Variants in RBFOX1 observed in about 807,000 individuals in gnomAD.
RBFOX1 encodes RNA binding protein fox-1 homolog 1.
Under a neutral mutation model 57.7 loss-of-function variants are expected in RBFOX1, and 8 were observed. The observed-to-expected ratio is 0.14, with a 90% CI of 0.08 to 0.25. The LOEUF (loss-of-function observed/expected upper bound fraction) is 0.25. Ranked by LOEUF, RBFOX1 falls within the 10% of genes least tolerant of loss-of-function variation. The probability of loss-of-function intolerance (pLI) is 1.00; values close to 1 mark genes in which losing one functional copy is unlikely to be tolerated. For missense variants in RBFOX1, 611 were observed against 548.5 expected (o/e 1.11, Z -1.14); for synonymous variants, 326 against 222.4 (o/e 1.47, Z -4.15).
chr16:7,671,606 A>T (rs2071457435), intron 13 of RBFOX1: 1 of 1,609,000 alleles, frequency 6.2e-7, no homozygotes, highest in African/African-American at 1.3e-5. Context: ...GCAGGTATGA[A>T]ATCCCGACTG....
chr16:6,557,038 T>TAC (rs1567672047), intron 2 of RBFOX1, among the ~76,000 whole-genome samples: 16 of 129,564 alleles, frequency 1.2e-4, no homozygotes, highest in African/African-American at 5.7e-4. Flanking sequence ...TATATACACA[T>TAC]ATATATACAT....
At chr16:6,069,074 A>G (rs1202905048) in intron 1 of RBFOX1, among the ~76,000 whole-genome samples, 1 of 152,098 alleles carries the variant, frequency 6.6e-6, no homozygotes, top group Non-Finnish European at 1.5e-5. Flanking sequence ...AGGAAGCAGA[A>G]AGAGAGGAAG....
intron 1 of RBFOX1, among the ~76,000 whole-genome samples, chr16:6,123,489 A>C (rs2096566707): frequency 6.6e-6 from 1 of 152,212 alleles, no homozygotes; most frequent in South Asian, 2.1e-4. Context: ...AGAGGTTACC[A>C]GGGGCTGAAA....
intron 1 of RBFOX1, among the ~76,000 whole-genome samples, chr16:6,111,697 C>T (rs529343619): frequency 6.6e-6 from 1 of 152,098 alleles, no homozygotes; most frequent in Admixed American, 6.5e-5. Context: ...GAGTTTAATT[C>T]TGGGGCAAAA....
chr16:7,166,972 C>CTTTTTTTTTTTTTTTTTTT lies in RBFOX1; in HGVS notation c.27+114891_27+114909dup, dbSNP rs537293692. Among the ~76,000 whole-genome samples the CTTTTTTTTTTTTTTTTTTT allele has an allele frequency of 5.7e-4, 28 of 49,114 alleles. 3 individuals carry two copies. The highest frequency in any genetic ancestry group is 6.4e-4 in the Non-Finnish European group (19 of 29,606). The allele number at this position is 49,114 out of a possible 152,430, so 32.2% of individuals were successfully genotyped here. On this transcript the variant is annotated intron_variant, in intron 4 of 15. Transcript: ENST00000550418. ...AGCCCCAGATTGCTGCATTGGTGTT[C>CTTTTTTTTTTTTTTTTTTT]TTTTTTTTTTTTTTTTTTTTTTTTT...
chr16:6,889,088 G>A (rs142305923), intron 3 of RBFOX1, among the ~76,000 whole-genome samples: 26 of 152,172 alleles, frequency 1.7e-4, no homozygotes, highest in Non-Finnish European at 2.1e-4. Flanking sequence ...TTGGTTAGAG[G>A]GATATCACAG....
chr16:6,017,437 T>A (rs2095001797), upstream of RBFOX1, among the ~76,000 whole-genome samples: 2 of 152,208 alleles, frequency 1.3e-5, no homozygotes, highest in African/African-American at 4.8e-5. Flanking sequence ...GTGAACAGTT[T>A]CTGGGGGAAA....
intron 4 of RBFOX1, among the ~76,000 whole-genome samples, chr16:5,907,664 C>G (rs565828390): frequency 2.0e-5 from 3 of 152,032 alleles, no homozygotes; most frequent in African/African-American, 7.2e-5. Context: ...TGGGGAAGTT[C>G]CACAAAGACA....
intron 1 of RBFOX1, among the ~76,000 whole-genome samples, chr16:6,135,652 A>ACCATGAACACT (rs2096661148): frequency 6.6e-6 from 1 of 152,158 alleles, no homozygotes. Flanking sequence ...CTGAAAAAAA[A>ACCATGAACACT]CCATGAACAC....
intron 4 of RBFOX1, among the ~76,000 whole-genome samples, chr16:5,937,460 A>G (rs2059189924): frequency 6.6e-6 from 1 of 152,108 alleles, no homozygotes; most frequent in East Asian, 1.9e-4. Flanking sequence ...GAGTTAAAGA[A>G]AAGCCCCTGG....
chr16:5,677,984 G>T (rs974572402), intron 3 of RBFOX1, among the ~76,000 whole-genome samples: 1 of 152,210 alleles, frequency 6.6e-6, no homozygotes, highest in Admixed American at 6.5e-5. Flanking sequence ...GTGGAGCACC[G>T]TGGGGCTCTG....
intron 2 of RBFOX1, among the ~76,000 whole-genome samples, chr16:6,623,613 G>C (rs942251113): frequency 6.6e-6 from 1 of 150,990 alleles, no homozygotes; most frequent in African/African-American, 2.4e-5. Flanking sequence ...CCCCACAACA[G>C]GCCCCGGTGT....
At chr16:6,921,623 CTG>C (rs2074456335) in intron 3 of RBFOX1, among the ~76,000 whole-genome samples, 5 of 78,052 alleles carry the variant, frequency 6.4e-5, no homozygotes, top group African/African-American at 3.3e-4. Context: ...ACATAAATTA[CTG>C]TATATATATA....
At position 5,946,587 on chromosome 16, in the gene RBFOX1, C is replaced by T. The variant is rs921669631; in HGVS notation, c.351+79252C>T. On this transcript the variant is annotated intron_variant, in intron 4 of 19. Transcript: ENST00000641259. The surrounding 1 kb of genome is among the most constrained non-coding windows in gnomAD (Gnocchi z 4.6). ...CAACTGGGTGTTCCTGAGTTATATC[C>T]TTTACGATATACCGGTAATAGTAAT... is the stretch of plus-strand genomic sequence containing the variant. Among the ~76,000 whole-genome samples, 2 of 152,144 alleles carry T rather than the reference C, an allele frequency of 1.3e-5. No individual in the cohort carries two copies. Among genetic ancestry groups the T allele is most frequent in the Non-Finnish European group, 2.9e-5 (2 of 68,022 alleles).
intron 3 of RBFOX1, among the ~76,000 whole-genome samples, chr16:6,779,917 T>A (rs867982596): frequency 4.4e-3 from 10 of 2,272 alleles, no homozygotes; most frequent in East Asian, 0.036. Context: ...ATTTATATAT[T>A]TATATATATT....
chr16:6,082,894 C>A (rs138198386), intron 1 of RBFOX1, among the ~76,000 whole-genome samples: 2 of 152,164 alleles, frequency 1.3e-5, no homozygotes, highest in Non-Finnish European at 2.9e-5. Context: ...ATCACGGAGC[C>A]TAGCCCATAG....
chr16:7,349,639 G>A (rs1443415023), intron 4 of RBFOX1, among the ~76,000 whole-genome samples: 1 of 152,116 alleles, frequency 6.6e-6, no homozygotes, highest in African/African-American at 2.4e-5. Context: ...CCGCTTGAGA[G>A]GCTGAGGAGG....
At chr16:6,976,819 G>T (rs1348548483) in intron 3 of RBFOX1, among the ~76,000 whole-genome samples, 1 of 141,188 alleles carries the variant, frequency 7.1e-6, no homozygotes, top group Non-Finnish European at 1.5e-5. Context: ...AAATGATCTA[G>T]ATCATATATA....
intron 4 of RBFOX1, among the ~76,000 whole-genome samples, chr16:5,945,713 C>G (rs1442880692): frequency 6.6e-6 from 1 of 152,230 alleles, no homozygotes; most frequent in Admixed American, 6.5e-5. Context: ...CAGGTAGAAT[C>G]TGCAAACCTC....
Sources: allele counts gnomAD v4.1 joint callset (sites outside exome capture counted in the v4.1 genomes callset), GRCh38; gene constraint gnomAD v4.1.1; non-coding constraint Gnocchi (gnomAD v3.1); transcripts MANE v1.5; gene names NCBI Gene and HGNC (gene_info 2026-07-23, HGNC 2026-07-21).